MYO3A: variants seen among roughly 807,000 people sequenced by gnomAD.
MYO3A encodes myosin-IIIa.
Under a neutral mutation model 192.7 loss-of-function variants are expected in MYO3A, and 180 were observed. The ratio of observed to expected loss-of-function variants is 0.93; its 90% confidence interval spans 0.83 to 1.06. MYO3A has a LOEUF of 1.06. Among genes scored for constraint, MYO3A ranks in the 50% least tolerant of loss-of-function variants. The pLI is 0.00. For missense variants in MYO3A, 1,896 were observed against 1,905.0 expected (o/e 1.00, Z 0.09); for synonymous variants, 628 against 645.3 (o/e 0.97, Z 0.41).
At chr10:25,947,540 T>C (rs1340770123) in intron 2 of MYO3A, among the ~76,000 whole-genome samples, 2 of 151,736 alleles carry the variant, frequency 1.3e-5, no homozygotes, top group Non-Finnish European at 2.9e-5. Flanking sequence ...ATTACAGGGA[T>C]GCACCACCAT....
At chr10:26,192,478 G>C (rs1272739682) in intron 31 of MYO3A, among the ~76,000 whole-genome samples, 2 of 152,074 alleles carry the variant, frequency 1.3e-5, no homozygotes, top group Admixed American at 6.5e-5. Context: ...ACAAGGGGGA[G>C]GGAAGGGACA....
At chr10:26,074,234 T>C (rs1425358631) in intron 14 of MYO3A, among the ~76,000 whole-genome samples, 1 of 152,200 alleles carries the variant, frequency 6.6e-6, no homozygotes. Context: ...TTAAACCTAA[T>C]CTCTCTATAA....
At chr10:26,199,616 A>C (rs1343678084) in intron 32 of MYO3A, among the ~76,000 whole-genome samples, 2 of 152,184 alleles carry the variant, frequency 1.3e-5, no homozygotes, top group East Asian at 3.8e-4. Flanking sequence ...GGCAAGAGTG[A>C]AAGATGTCTG....
intron 10 of MYO3A, among the ~76,000 whole-genome samples, chr10:26,032,630 C>CAA (rs1224220516): frequency 1.4e-5 from 2 of 144,622 alleles, no homozygotes; most frequent in Non-Finnish European, 3.1e-5. Flanking sequence ...AACAAAAAAA[C>CAA]AAAAAAAAAA....
chr10:25,979,963 G>A (rs1227001609), intron 4 of MYO3A, among the ~76,000 whole-genome samples: 7 of 152,148 alleles, frequency 4.6e-5, no homozygotes, highest in African/African-American at 9.7e-5. Flanking sequence ...AAGGCCGGGC[G>A]CAATGGCTCA....
intron 12 of MYO3A, 132 bp from the exon 13 acceptor site, chr10:26,069,976 GTAA>G (rs1835097951): frequency 6.1e-6 from 4 of 653,230 alleles, no homozygotes; most frequent in Non-Finnish European, 8.0e-6. Context: ...TAACATGTAT[GTAA>G]TAATGTTTTG....
intron 32 of MYO3A, among the ~76,000 whole-genome samples, chr10:26,196,487 A>C: frequency 6.6e-6 from 1 of 152,334 alleles, no homozygotes; most frequent in South Asian, 2.1e-4. Flanking sequence ...GATCCTTTTT[A>C]ATAACTCTGA....
chr10:26,012,896 A>G (rs1841758903), intron 6 of MYO3A, among the ~76,000 whole-genome samples: 1 of 152,224 alleles, frequency 6.6e-6, no homozygotes, highest in Non-Finnish European at 1.5e-5. Flanking sequence ...TGTAATTACC[A>G]AAACAGCATG....
chr10:26,049,191 C>T (rs562838107), intron 10 of MYO3A, among the ~76,000 whole-genome samples: 1 of 152,294 alleles, frequency 6.6e-6, no homozygotes, highest in East Asian at 1.9e-4. Context: ...ATGACATACT[C>T]ATTGATATAA....
chr10:26,162,633 G>A (rs1385272258), intron 26 of MYO3A, among the ~76,000 whole-genome samples: 1 of 152,180 alleles, frequency 6.6e-6, no homozygotes, highest in Non-Finnish European at 1.5e-5. Flanking sequence ...TCTTTATAAA[G>A]TCTTACCAAA....
At chr10:26,137,500 A>C (rs1302514517) in intron 20 of MYO3A, among the ~76,000 whole-genome samples, 2 of 152,222 alleles carry the variant, frequency 1.3e-5, no homozygotes, top group Admixed American at 1.3e-4. Flanking sequence ...TTGACTGTAC[A>C]AATTGATTGT....
chr10:26,156,341 A>G (rs1197464945), intron 25 of MYO3A, among the ~76,000 whole-genome samples: 1 of 152,176 alleles, frequency 6.6e-6, no homozygotes, highest in Admixed American at 6.5e-5. Flanking sequence ...CCAGCCGTCA[A>G]TTGCTATTTG....
chr10:26,166,373 ATTTCT>A, intron 27 of MYO3A, 195 bp downstream of exon 27: 1 of 615,758 alleles, frequency 1.6e-6, no homozygotes, highest in East Asian at 2.9e-5. Flanking sequence ...CTTCATAAAG[ATTTCT>A]TTTAAGAAAT....
At chr10:26,032,149 T>C (rs1842827832) in intron 10 of MYO3A, among the ~76,000 whole-genome samples, 1 of 152,238 alleles carries the variant, frequency 6.6e-6, no homozygotes, top group African/African-American at 2.4e-5. Context: ...CTCCTTTTTC[T>C]TACTAATTTT....
intron 26 of MYO3A, among the ~76,000 whole-genome samples, chr10:26,161,694 T>C (rs146234868): frequency 2.0e-4 from 30 of 152,282 alleles, no homozygotes; most frequent in African/African-American, 6.7e-4. Flanking sequence ...TGTTTATAAG[T>C]ATTAGGTGAA....
In MYO3A at chr10:26,154,753, C is replaced by G. The variant is rs753388924; in HGVS notation, c.2723C>G (p.Thr908Ser). Residue 908 changes from threonine (T) to serine (S), a missense_variant, in exon 25 of 35, where the codon ACT (threonine) becomes AGT (serine). Coordinates refer to ENST00000642920, the MANE Select transcript of MYO3A (RefSeq NM_017433.5). The part of the protein sequence containing the change: ...EKLINLAKGD[T>S]GEATRHARET... ...CTTCCTTGGTCTCCTTAGGGCGACA[C>G]TGGAGAAGCCACACGTCATGCCAGA... The G allele has an allele frequency of 1.2e-6, 2 of 1,613,576 alleles. No homozygotes were observed. Among genetic ancestry groups the G allele is most frequent in the African/African-American group, 2.7e-5 (2 of 74,892 alleles).
intron 14 of MYO3A, among the ~76,000 whole-genome samples, chr10:26,081,519 T>C (rs943948210): frequency 1.3e-5 from 2 of 152,154 alleles, no homozygotes; most frequent in African/African-American, 4.8e-5. Context: ...AGTGCTTGGC[T>C]CTTCCCTGCC....
In MYO3A at chr10:26,070,116, C is replaced by T; in HGVS notation, c.1176C>T (p.Ser392=). 2 of 1,606,712 alleles carry T rather than the reference C, an allele frequency of 1.2e-6. No homozygotes were observed. The highest frequency in any genetic ancestry group is 1.7e-6 in the Non-Finnish European group (2 of 1,173,952). Residue 392 remains serine, a synonymous_variant, in exon 13 of 35, where the codon TCC becomes TCT. Transcript: ENST00000642920. The part of the protein sequence containing the change: ...QSLGLYSTKH[S]KLYIGSKRTA... ...GTATTCTTTTTAACCTTTAGCATTC[C>T]AAACTATATATTGGATCAAAGAGAA...
chr10:25,952,512 C>A (rs548855311), intron 3 of MYO3A, among the ~76,000 whole-genome samples: 13 of 152,068 alleles, frequency 8.5e-5, no homozygotes, highest in Non-Finnish European at 1.8e-4. Context: ...CGCAAAAATG[C>A]AGCTCTCAAC....
Sources: gnomAD v4.1 joint callset for allele counts (sites outside exome capture counted in the v4.1 genomes callset) on GRCh38, gnomAD v4.1.1 for gene constraint, MANE v1.5 for transcripts, NCBI Gene and HGNC (gene_info 2026-07-23, HGNC 2026-07-21) for gene names.